The following LRCH3 variants were observed in gnomAD, a reference collection of about 807,000 sequenced individuals.
LRCH3 encodes the protein leucine rich repeats and calponin homology domain containing 3.
In LRCH3, 68 loss-of-function variants were observed where a neutral mutation model predicts 104.5. That is an observed-to-expected ratio of 0.65 (90% CI 0.54 to 0.80). The LOEUF (loss-of-function observed/expected upper bound fraction) is 0.80. Among genes scored for constraint, LRCH3 ranks in the 30% least tolerant of loss-of-function variants. LRCH3 has a pLI of 0.00. For missense variants in LRCH3, 951 were observed against 953.9 expected (o/e 1.00, Z 0.04); for synonymous variants, 344 against 361.3 (o/e 0.95, Z 0.54).
intron 10 of LRCH3, among the ~76,000 whole-genome samples, chr3:197,840,801 A>G (rs192698051): frequency 3.2e-4 from 48 of 152,274 alleles, no homozygotes; most frequent in African/African-American, 1.1e-3. Context: ...TATGCTTTGA[A>G]ATTTATTTCA....
At chr3:197,849,446 A>G (rs971141746) in intron 12 of LRCH3, among the ~76,000 whole-genome samples, 45 of 152,116 alleles carry the variant, frequency 3.0e-4, no homozygotes, top group African/African-American at 8.0e-4. Context: ...TTGTTAATGT[A>G]CTAATGGCCA....
intron 9 of LRCH3, among the ~76,000 whole-genome samples, chr3:197,838,897 C>A (rs1160337231): frequency 3.9e-5 from 6 of 151,994 alleles, no homozygotes; most frequent in Admixed American, 3.9e-4. Context: ...TGTAACCTGC[C>A]CAGTGAACTC....
chr3:197,792,664 T>G (rs1202092339), intron 1 of LRCH3, among the ~76,000 whole-genome samples: 1 of 130,504 alleles, frequency 7.7e-6, no homozygotes, highest in Non-Finnish European at 1.6e-5. Context: ...TATATATATT[T>G]TTTCGAGACG....
chr3:197,819,011 A>G (rs1560538142), intron 3 of LRCH3, among the ~76,000 whole-genome samples: 2 of 152,060 alleles, frequency 1.3e-5, no homozygotes, highest in African/African-American at 4.8e-5. Flanking sequence ...CTGTTATCCC[A>G]GCAACTTGGG....
intron 19 of LRCH3, among the ~76,000 whole-genome samples, chr3:197,873,048 G>A (rs73892160): frequency 0.17 from 25,551 of 152,028 alleles, 2,964 homozygotes; most frequent in African/African-American, 0.33. Context: ...AATGCATTCA[G>A]GATAACTGGC....
At chr3:197,797,893 A>C (rs181375439) in intron 1 of LRCH3, among the ~76,000 whole-genome samples, 3,891 of 146,072 alleles carry the variant, frequency 0.027, 96 homozygotes, top group African/African-American at 0.066. Context: ...CAAAAAAAAA[A>C]ACAAAACCAG....
At chr3:197,826,306 A>C (rs1735198198) in intron 4 of LRCH3, among the ~76,000 whole-genome samples, 1 of 152,130 alleles carries the variant, frequency 6.6e-6, no homozygotes, top group South Asian at 2.1e-4. Context: ...CATTCCTGGG[A>C]TGAAGTAGGA....
At chr3:197,813,153 G>A (rs1032272649) in intron 1 of LRCH3, among the ~76,000 whole-genome samples, 11 of 152,116 alleles carry the variant, frequency 7.2e-5, no homozygotes, top group African/African-American at 2.7e-4. Flanking sequence ...TACTCTGATA[G>A]AGCCATACAA....
intron 5 of LRCH3, among the ~76,000 whole-genome samples, chr3:197,828,188 A>G (rs569651849): frequency 6.6e-6 from 1 of 152,258 alleles, no homozygotes; most frequent in East Asian, 1.9e-4. Flanking sequence ...CCTAATTCTA[A>G]AGTCACAAAT....
intron 14 of LRCH3, among the ~76,000 whole-genome samples, chr3:197,855,858 G>T (rs1580826512): frequency 6.6e-6 from 1 of 152,184 alleles, no homozygotes; most frequent in East Asian, 1.9e-4. Context: ...ACATTTCTTT[G>T]TCTGCCAAAT....
chr3:197,814,783 C>T (rs1027097772), intron 1 of LRCH3, 125 bp from the exon 2 acceptor site: 1 of 699,744 alleles, frequency 1.4e-6, no homozygotes, highest in African/African-American at 1.9e-5. Context: ...AGCAGATATG[C>T]CTTAGAAGCT....
rs750572312 is a variant in LRCH3 at position 197,871,468 on chromosome 3, T to C, written c.2130+6T>C. On this transcript the variant is annotated splice_donor_region_variant and intron_variant, in intron 19 of 20. Coordinates refer to ENST00000425562, the MANE Select transcript of LRCH3 (RefSeq NM_001365715.1). ...ATGTTCCCTCACCAGCTGTAGTAAG[T>C]TGATAATCCTAAAAAGCCTTGGCTA... 1.1e-5 allele frequency: 18 copies of C among 1,612,334 alleles called. No individual in the cohort carries two copies. Among genetic ancestry groups the C allele is most frequent in the Admixed American group, 1.0e-4 (6 of 59,952 alleles).
chr3:197,862,395 A>G (rs766006220), intron 15 of LRCH3, among the ~76,000 whole-genome samples: 104 of 152,190 alleles, frequency 6.8e-4, no homozygotes, highest in Non-Finnish European at 1.3e-3. Flanking sequence ...TTCTCCTTTT[A>G]TTCCTTAATA....
At chr3:197,879,823 C>G (rs1713442065) in intron 20 of LRCH3, among the ~76,000 whole-genome samples, 1 of 150,472 alleles carries the variant, frequency 6.6e-6, no homozygotes, top group South Asian at 2.1e-4. Context: ...TCCTTGCTTT[C>G]TGACCTACTT....
Position 197,883,280 on chromosome 3 carries a change from G to A in LRCH3, c.2209-261G>A. 6 of 1,225,220 alleles carry A rather than the reference G, an allele frequency of 4.9e-6. No individual in the cohort carries two copies. Among genetic ancestry groups the A allele is most frequent in the Non-Finnish European group, 6.1e-6 (6 of 976,414 alleles). The allele number at this position is 1,225,220 out of a possible 1,614,324, so 75.9% of individuals were successfully genotyped here. On this transcript the variant is annotated intron_variant, in intron 20 of 20. Transcript: ENST00000425562. This position sits in a 1 kb window ranked among gnomAD's most constrained non-coding sequence, Gnocchi z 4.2. ...CGGTATTGTTTTCCCTCTGTTGTAT[G>A]TATAGATATATGCTACTTGTCAATT... is the stretch of plus-strand genomic sequence containing the variant.
chr3:197,825,263 A>G (rs765086104), intron 4 of LRCH3, among the ~76,000 whole-genome samples: 1 of 151,634 alleles, frequency 6.6e-6, no homozygotes, highest in Non-Finnish European at 1.5e-5. Context: ...TTAATGTGCC[A>G]TAGCATGAGT....
At chr3:197,879,584 T>G (rs957362901) in intron 20 of LRCH3, among the ~76,000 whole-genome samples, 1 of 151,954 alleles carries the variant, frequency 6.6e-6, no homozygotes, top group Non-Finnish European at 1.5e-5. Context: ...AGGCGGAGCT[T>G]GCAGTGAGCC....
intron 10 of LRCH3, among the ~76,000 whole-genome samples, chr3:197,846,169 G>A (rs552123134): frequency 5.3e-5 from 8 of 152,188 alleles, no homozygotes; most frequent in African/African-American, 1.4e-4. Flanking sequence ...CGGAGGCCTC[G>A]GTGGGTGGAT....
chr3:197,796,112 G>A (rs6583260), intron 1 of LRCH3, among the ~76,000 whole-genome samples: 144,792 of 152,298 alleles, frequency 0.95, 68,887 homozygotes, highest in East Asian at 1. Context: ...GCTGCCTTTC[G>A]TATATGAGGA....
Sources: allele counts gnomAD v4.1 joint callset (sites outside exome capture counted in the v4.1 genomes callset), GRCh38; gene constraint gnomAD v4.1.1; non-coding constraint Gnocchi (gnomAD v3.1); transcripts MANE v1.5; gene names NCBI Gene and HGNC (gene_info 2026-07-23, HGNC 2026-07-21).